The following URB1 variants were observed in gnomAD, a reference collection of about 807,000 sequenced individuals.
URB1 encodes nucleolar pre-ribosomal-associated protein 1.
URB1 carries 197 observed loss-of-function variants against 242.3 expected under a neutral mutation model. That is an observed-to-expected ratio of 0.81 (90% CI 0.72 to 0.91). The LOEUF is 0.91. Among genes scored for constraint, URB1 ranks in the 40% least tolerant of loss-of-function variants. The pLI is 0.00. For missense variants in URB1, 2,721 were observed against 2,860.5 expected, an observed-to-expected ratio of 0.95 and a Z score of 1.11; for synonymous variants, 1,153 against 1,201.8, an observed-to-expected ratio of 0.96 and a Z score of 0.84.
rs887945690 is a variant in URB1 at position 32,316,482 on chromosome 21, C to T, written c.6618G>A (p.Lys2206=). The part of the protein sequence containing the change: ...EALSLSSLSE[K]DEATQASAAF... ...CAGCCTTACCTTGTGTGGCTTCATC[C>T]TTCTCACTCAGAGAAGACAGGGAGA... Residue 2206 remains lysine (K), a synonymous_variant, in exon 38 of 39, where the codon AAG becomes AAA. Coordinates refer to ENST00000382751, the MANE Select transcript of URB1 (RefSeq NM_014825.3). 2 of 1,527,616 alleles carry T rather than the reference C, an allele frequency of 1.3e-6. No homozygotes were observed. Among genetic ancestry groups the T allele is most frequent in the African/African-American group, 1.4e-5 (1 of 72,466 alleles). 94.6% of individuals were successfully genotyped at this position (1,527,616 alleles called of 1,614,324 possible).
chr21:32,322,398 G>A, intron 33 of URB1, 80 bp downstream of exon 33: 2 of 1,286,140 alleles, frequency 1.6e-6, no homozygotes, highest in Non-Finnish European at 2.2e-6. Context: ...AGGATCCATG[G>A]GGAAATGTCA....
At chr21:32,375,546 G>A (rs549842694) in intron 5 of URB1, 63 bp from the exon 6 acceptor site, 1 of 982,754 alleles carries the variant, frequency 1.0e-6, no homozygotes, top group African/African-American at 1.7e-5. Flanking sequence ...ATAGACGAGA[G>A]AATATTACTG....
rs962626640 is a variant in URB1, at chr21:32,385,687, G to A, written c.143-3C>T. 1 of 1,543,750 alleles carries A rather than the reference G, an allele frequency of 6.5e-7. No homozygotes were observed. Among genetic ancestry groups the A allele is most frequent in the Non-Finnish European group, 8.7e-7 (1 of 1,144,800 alleles). On this transcript the variant is annotated splice_region_variant and splice_polypyrimidine_tract_variant and intron_variant, in intron 1 of 38. Coordinates refer to ENST00000382751, the MANE Select transcript of URB1 (RefSeq NM_014825.3). ...AGCAGACACAAACGCTTCCAAGCCT[G>A]AAAAAAAAGTTATGTTCAAACATTA... is the stretch of plus-strand genomic sequence containing the variant.
chr21:32,314,654 C>T lies in URB1; in HGVS notation c.*264G>A, dbSNP rs141248659. 66 of 1,613,722 alleles carry T rather than the reference C, an allele frequency of 4.1e-5. No individual in the cohort carries two copies. Among genetic ancestry groups the T allele is most frequent in the Middle Eastern group, 1.6e-4 (1 of 6,084 alleles). ...CCCTAGAGAGGAAGGGGCGGCCTGA[C>T]GAGGCACTGGATGGGCCTCATGGCC... On this transcript the variant is annotated 3_prime_UTR_variant, in exon 39 of 39. Coordinates refer to ENST00000382751, the MANE Select transcript of URB1 (RefSeq NM_014825.3).
At chr21:32,392,672 G>A in intron 1 of URB1, 97 bp downstream of exon 1, 2 of 1,331,736 alleles carry the variant, frequency 1.5e-6, no homozygotes, top group Non-Finnish European at 1.9e-6. Flanking sequence ...GAGCCTATGT[G>A]ACCCGAAAGC....
At position 32,368,579 on chromosome 21, in the gene URB1, A is replaced by C; in HGVS notation, c.1021T>G (p.Leu341Val). 1 of 1,551,064 alleles carries C rather than the reference A, an allele frequency of 6.4e-7. No individual in the cohort carries two copies. Among genetic ancestry groups the C allele is most frequent in the Non-Finnish European group, 8.7e-7 (1 of 1,146,732 alleles). ...TFGRGGNLTL[L>V]HFLLGLKTAA... ...GTTTTCAAACCCAGCAAGAAGTGCAAGAGTGTCAGGTTTCCGCCTCTGTTA... is the reference window on the plus strand; with the variant it reads ...GTTTTCAAACCCAGCAAGAAGTGCACGAGTGTCAGGTTTCCGCCTCTGTTA... The change falls in exon 9 of 39, where the codon TTG becomes GTG. Residue 341 changes from leucine to valine, a missense_variant. Physicochemically the swap from Leu to Val is conservative, Grantham distance 32. Coordinates refer to ENST00000382751, the MANE Select transcript of URB1 (RefSeq NM_014825.3).
intron 34 of URB1, among the ~76,000 whole-genome samples, 173 bp downstream of exon 34, chr21:32,321,628 T>C (rs947025568): frequency 2.0e-5 from 3 of 152,182 alleles, no homozygotes; most frequent in Admixed American, 6.5e-5. Context: ...CTGCTCTGCA[T>C]GCAGGGAACA....
Position 32,311,430 on chromosome 21 carries a change from A to C in URB1, c.*3488T>G. On this transcript the variant is annotated 3_prime_UTR_variant, in exon 39 of 39. Coordinates refer to ENST00000382751, the MANE Select transcript of URB1 (RefSeq NM_014825.3). ...TCCACCCCCCACCCCCCCCATCCTA[A>C]ATCAATGTAGGAAGAAGTGGCCTCC... The C allele has an allele frequency of 9.2e-6, 2 of 217,186 alleles. No homozygotes were observed. The highest frequency in any genetic ancestry group is 2.7e-4 in the South Asian group (2 of 7,478). The allele number at this position is 217,186 out of a possible 1,614,324, so 13.5% of individuals were successfully genotyped here.
Position 32,316,899 on chromosome 21 carries a change from T to C in URB1, c.6201A>G (p.Arg2067=). 6.4e-7 allele frequency: 1 copy of C among 1,551,562 alleles called. No individual in the cohort carries two copies. The highest frequency in any genetic ancestry group is 8.7e-7 in the Non-Finnish European group (1 of 1,146,954). Residue 2067 remains arginine, a synonymous_variant, in exon 38 of 39, where the codon AGA becomes AGG. Coordinates refer to ENST00000382751, the MANE Select transcript of URB1 (RefSeq NM_014825.3). ...TGGGGTCAGGACCAGGGATCACTGG[T>C]CTCCAGTAAGTCAAGATGGACCTCA... ...GLLRSILTYW[R]PVIPGPDPTQ...
chr21:32,340,038 A>C (rs2033011017), intron 25 of URB1, among the ~76,000 whole-genome samples: 1 of 152,220 alleles, frequency 6.6e-6, no homozygotes, highest in African/African-American at 2.4e-5. Flanking sequence ...CTCTAAAGAA[A>C]GTGTTTTTCA....
Position 32,314,826 on chromosome 21 carries a change from C to A in URB1, c.*92G>T. On this transcript the variant is annotated 3_prime_UTR_variant, in exon 39 of 39. Coordinates refer to ENST00000382751, the MANE Select transcript of URB1 (RefSeq NM_014825.3). ...CTGAACCTGTTGTTTCCCATGCCTTCTCTGGAAACCCTTGACTCAACCAAA... is the reference window on the plus strand; with the variant it reads ...CTGAACCTGTTGTTTCCCATGCCTTATCTGGAAACCCTTGACTCAACCAAA... 6.7e-7 allele frequency: 1 copy of A among 1,499,784 alleles called. No homozygotes were observed. The highest frequency in any genetic ancestry group is 8.9e-7 in the Non-Finnish European group (1 of 1,117,506). 92.9% of individuals were successfully genotyped at this position (1,499,784 alleles called of 1,614,324 possible). A position where few individuals can be genotyped will look rare whatever the true frequency, so the allele number is the denominator to read the frequency against.
At chr21:32,318,147 C>A (rs1180649726) in intron 36 of URB1, among the ~76,000 whole-genome samples, 1 of 152,216 alleles carries the variant, frequency 6.6e-6, no homozygotes, top group Non-Finnish European at 1.5e-5. Flanking sequence ...CTGCACCCCA[C>A]AGGCACAGAA....
chr21:32,382,113 A>C (rs1010819770), intron 4 of URB1, among the ~76,000 whole-genome samples: 9 of 152,178 alleles, frequency 5.9e-5, no homozygotes, highest in Admixed American at 3.9e-4. Flanking sequence ...CAGGACGGGA[A>C]GCCCTTTCCC....
chr21:32,361,975 T>C lies in URB1; in HGVS notation c.1556A>G (p.Lys519Arg). 1 of 1,551,594 alleles carries C rather than the reference T, an allele frequency of 6.4e-7. No homozygotes were observed. The highest frequency in any genetic ancestry group is 8.7e-7 in the Non-Finnish European group (1 of 1,146,920). Reference protein sequence around the residue: ...NTVVWVWQSLKKQETKQDDKK... With the variant: ...NTVVWVWQSLRKQETKQDDKK... ...GTCATCCTGTTTGGTCTCTTGCTTT[T>C]TAAGTGACTGCCAGACCCACACGAC... Residue 519 changes from lysine (K) to arginine (R), a missense_variant, in exon 12 of 39, where the codon AAA becomes AGA. By Grantham distance (26) the Lys-to-Arg change is conservative (BLOSUM62 2). Coordinates refer to ENST00000382751, the MANE Select transcript of URB1 (RefSeq NM_014825.3).
At position 32,361,001 on chromosome 21, in the gene URB1, A is replaced by G; in HGVS notation, c.1756+6T>C. 1 of 1,542,702 alleles carries G rather than the reference A, an allele frequency of 6.5e-7. No individual in the cohort carries two copies. The highest frequency in any genetic ancestry group is 8.7e-7 in the Non-Finnish European group (1 of 1,143,442). Reference sequence around the variant, plus strand: ...GGCGGCTTGTCTGCAAGACCTTGAAACCCACCTTTCAGGAGCTTGCTGAAG... The same window carrying G: ...GGCGGCTTGTCTGCAAGACCTTGAAGCCCACCTTTCAGGAGCTTGCTGAAG... On this transcript the variant is annotated splice_donor_region_variant and intron_variant, in intron 13 of 38. Transcript: ENST00000382751.
chr21:32,337,177 C>A lies in URB1; in HGVS notation c.4622-20G>T. On this transcript the variant is annotated intron_variant, in intron 27 of 38. Transcript: ENST00000382751. ...TCTGATCTACAAGTCAAAGCAGGATCGGTTTAGGAAGATGAACCCCTGACA... is the reference window on the plus strand; with the variant it reads ...TCTGATCTACAAGTCAAAGCAGGATAGGTTTAGGAAGATGAACCCCTGACA... 1.3e-6 allele frequency: 2 copies of A among 1,551,604 alleles called. No homozygotes were observed. Among genetic ancestry groups the A allele is most frequent in the Non-Finnish European group, 1.7e-6 (2 of 1,146,912 alleles).
chr21:32,324,744 G>A, intron 31 of URB1, 142 bp from the exon 32 acceptor site: 1 of 630,950 alleles, frequency 1.6e-6, no homozygotes, highest in East Asian at 2.8e-5. Context: ...GAAGCTCACA[G>A]GAGCAGACAC....
chr21:32,342,475 TC>T (rs1337649734), intron 24 of URB1, among the ~76,000 whole-genome samples: 1 of 152,134 alleles, frequency 6.6e-6, no homozygotes, highest in African/African-American at 2.4e-5. Context: ...CTTTTTTTTT[TC>T]TTTTTTAAAA....
chr21:32,353,022 A>T, intron 18 of URB1, 116 bp from the exon 19 acceptor site: 1 of 1,042,342 alleles, frequency 9.6e-7, no homozygotes, highest in Non-Finnish European at 1.4e-6. Context: ...ATGCAACTCC[A>T]TGAGGGGACA....
Sources: allele counts gnomAD v4.1 joint callset (sites outside exome capture counted in the v4.1 genomes callset), GRCh38; gene constraint gnomAD v4.1.1; transcripts MANE v1.5; gene names NCBI Gene and HGNC (gene_info 2026-07-23, HGNC 2026-07-21).